CNTNAP2: variants seen among roughly 807,000 people sequenced by gnomAD.
The protein encoded by CNTNAP2 is contactin associated protein 2, also known as contactin-associated protein-like 2.
CNTNAP2 carries 98 observed loss-of-function variants against 155.2 expected under a neutral mutation model. The ratio of observed to expected loss-of-function variants is 0.63; its 90% CI spans 0.54 to 0.75. The LOEUF is 0.75. CNTNAP2 is among the 30% of genes least tolerant of loss of function. The pLI is 0.00. For synonymous variants in CNTNAP2, 651 were observed against 631.2 expected (o/e 1.03, Z -0.47); for missense variants, 1,727 against 1,688.1 (o/e 1.02, Z -0.40).
At chr7:147,418,253 G>A (rs1797232412) in intron 10 of CNTNAP2, among the ~76,000 whole-genome samples, 1 of 152,148 alleles carries the variant, frequency 6.6e-6, no homozygotes, top group Non-Finnish European at 1.5e-5. Context: ...TGTTCATAAA[G>A]GAAATGAAAG....
At chr7:147,104,883 T>TAG (rs1390075517) in intron 4 of CNTNAP2, among the ~76,000 whole-genome samples, 1 of 33,680 alleles carries the variant, frequency 3.0e-5, no homozygotes, top group Non-Finnish European at 5.9e-5. Context: ...CATATATATA[T>TAG]ATATATATAT....
chr7:148,412,053 C>T, intron 23 of CNTNAP2, among the ~76,000 whole-genome samples: 1 of 152,162 alleles, frequency 6.6e-6, no homozygotes, highest in East Asian at 1.9e-4. Flanking sequence ...AGCGATTCTC[C>T]TGCCTCAACC....
intron 11 of CNTNAP2, among the ~76,000 whole-genome samples, chr7:147,532,922 G>C (rs1333065683): frequency 6.6e-6 from 1 of 152,146 alleles, no homozygotes; most frequent in Non-Finnish European, 1.5e-5. Flanking sequence ...AACTCAAGTT[G>C]AGATTTGGGC....
intron 12 of CNTNAP2, among the ~76,000 whole-genome samples, chr7:147,636,771 C>A (rs556882162): frequency 6.6e-6 from 1 of 152,202 alleles, no homozygotes; most frequent in African/African-American, 2.4e-5. Flanking sequence ...TCTCTGCTTT[C>A]TTAACTTTTA....
At chr7:148,406,184 A>T (rs562583893) in intron 22 of CNTNAP2, among the ~76,000 whole-genome samples, 1 of 152,006 alleles carries the variant, frequency 6.6e-6, no homozygotes. Context: ...GTGAGCTGAG[A>T]TCGCGCCACT....
rs185115986 is a variant in CNTNAP2, at chr7:147,634,956, C to T, written c.1898-4150C>T. Reference sequence around the variant, plus strand: ...GACTCTTTGTATACCTGAATGATGCCGGGAAAATTCCAGAATTAGAACATT... The same window carrying T: ...GACTCTTTGTATACCTGAATGATGCTGGGAAAATTCCAGAATTAGAACATT... On this transcript the variant is annotated intron_variant, in intron 12 of 23. Coordinates refer to ENST00000361727, the MANE Select transcript of CNTNAP2 (RefSeq NM_014141.6). Among the ~76,000 whole-genome samples the T allele has an allele frequency of 2.2e-3, 340 of 152,148 alleles. 2 individuals carry two copies. The highest frequency in any genetic ancestry group is 7.6e-3 in the African/African-American group (314 of 41,498).
At chr7:146,525,568 CTA>C (rs1563119563) in intron 1 of CNTNAP2, among the ~76,000 whole-genome samples, 23 of 141,230 alleles carry the variant, frequency 1.6e-4, no homozygotes, top group African/African-American at 6.0e-4. Flanking sequence ...ATCTATCTAT[CTA>C]TCTATCTCTC....
At chr7:146,443,144 G>A (rs2129120128) in intron 1 of CNTNAP2, among the ~76,000 whole-genome samples, 1 of 151,994 alleles carries the variant, frequency 6.6e-6, no homozygotes, top group Admixed American at 6.5e-5. Context: ...AACTCGGGAG[G>A]CGGAGGTTGC....
chr7:146,846,526 T>C (rs1045842457), intron 3 of CNTNAP2, among the ~76,000 whole-genome samples: 1 of 152,172 alleles, frequency 6.6e-6, no homozygotes, highest in Non-Finnish European at 1.5e-5. Flanking sequence ...TTTTAATAAG[T>C]TGAGTGGATA....
At chr7:148,342,367 A>G (rs2116582921) in intron 21 of CNTNAP2, among the ~76,000 whole-genome samples, 1 of 152,192 alleles carries the variant, frequency 6.6e-6, no homozygotes, top group East Asian at 1.9e-4. Flanking sequence ...GAAAGCCAAC[A>G]CTTCTCAACT....
At chr7:147,044,203 T>C in intron 4 of CNTNAP2, 149 bp downstream of exon 4, 1 of 772,702 alleles carries the variant, frequency 1.3e-6, no homozygotes, top group Non-Finnish European at 2.1e-6. Context: ...CATAGATACA[T>C]ATATATATAA....
At position 146,209,883 on chromosome 7, in the gene CNTNAP2, C is replaced by T. The variant is rs1371529751; in HGVS notation, c.97+92910C>T. ...GTCCAGAAAATACAGAATTTGGATG[C>T]GTTGCGTGAGTTGTCGAGGTGAAGA... On this transcript the variant is annotated intron_variant, in intron 1 of 23. Transcript: ENST00000361727. 9.9e-5 allele frequency among the ~76,000 whole-genome samples: 15 copies of T among 152,108 alleles called. 1 individual carries two copies. Among genetic ancestry groups the T allele is most frequent in the African/African-American group, 2.4e-4 (10 of 41,490 alleles).
At chr7:146,939,043 A>G (rs1435975871) in intron 3 of CNTNAP2, among the ~76,000 whole-genome samples, 1 of 152,180 alleles carries the variant, frequency 6.6e-6, no homozygotes. Context: ...ATATAATTTC[A>G]TAATGTATCT....
At chr7:147,293,098 A>G (rs1173301723) in intron 8 of CNTNAP2, among the ~76,000 whole-genome samples, 1 of 152,112 alleles carries the variant, frequency 6.6e-6, no homozygotes, top group Non-Finnish European at 1.5e-5. Flanking sequence ...AACACATCCA[A>G]AAAATGTCAT....
Position 146,287,707 on chromosome 7 carries a change from G to A in CNTNAP2, c.97+170734G>A, listed in dbSNP as rs560017083. 2.0e-3 allele frequency among the ~76,000 whole-genome samples: 304 copies of A among 152,170 alleles called. 3 individuals are homozygous for A. The highest frequency in any genetic ancestry group is 6.9e-3 in the African/African-American group (286 of 41,518). On this transcript the variant is annotated intron_variant, in intron 1 of 23. Coordinates refer to ENST00000361727, the MANE Select transcript of CNTNAP2 (RefSeq NM_014141.6). ...AGATTATATTTAGATATATTTGAGCGCATAGAGTTGATATGACAAGATTCT... is the reference window on the plus strand; with the variant it reads ...AGATTATATTTAGATATATTTGAGCACATAGAGTTGATATGACAAGATTCT...
At chr7:146,578,714 G>A (rs1243614998) in intron 1 of CNTNAP2, among the ~76,000 whole-genome samples, 1 of 152,098 alleles carries the variant, frequency 6.6e-6, no homozygotes, top group Non-Finnish European at 1.5e-5. Context: ...AAGTGAATCT[G>A]TTCAACATCA....
At chr7:146,955,969 T>C (rs1305121832) in intron 3 of CNTNAP2, among the ~76,000 whole-genome samples, 1 of 152,038 alleles carries the variant, frequency 6.6e-6, no homozygotes, top group Non-Finnish European at 1.5e-5. Context: ...CTGATGGATT[T>C]TTATCCTTTC....
intron 15 of CNTNAP2, among the ~76,000 whole-genome samples, chr7:148,098,281 T>C (rs868674540): frequency 1.3e-5 from 2 of 151,388 alleles, no homozygotes; most frequent in Non-Finnish European, 2.9e-5. Flanking sequence ...CCACCTCTAC[T>C]AAAAATACAA....
intron 1 of CNTNAP2, among the ~76,000 whole-genome samples, chr7:146,455,308 G>A (rs571437658): frequency 1.3e-5 from 2 of 152,266 alleles, no homozygotes; most frequent in Admixed American, 6.5e-5. Context: ...CTTGATCTCT[G>A]AAAGTCATTT....
Sources: gnomAD v4.1 joint callset for allele counts (sites outside exome capture counted in the v4.1 genomes callset) on GRCh38, gnomAD v4.1.1 for gene constraint, MANE v1.5 for transcripts, NCBI Gene and HGNC (gene_info 2026-07-23, HGNC 2026-07-21) for gene names.